Variants in PODXL2 observed in about 807,000 individuals in gnomAD.
PODXL2 encodes the protein podocalyxin-like protein 2.
In PODXL2, 17 loss-of-function variants were observed where a neutral mutation model predicts 53.4. That is an observed-to-expected ratio of 0.32 (90% confidence interval 0.22 to 0.48). The LOEUF (loss-of-function observed/expected upper bound fraction) is 0.48. Ranked by LOEUF, PODXL2 falls within the 20% of genes least tolerant of loss-of-function variation. PODXL2 has a pLI of 0.99. For missense variants in PODXL2, 673 were observed against 760.0 expected, an observed-to-expected ratio of 0.89 and a Z score of 1.35; for synonymous variants, 311 against 306.7, an observed-to-expected ratio of 1.01 and a Z score of -0.15.
chr3:127,639,585 A>C, intron 2 of PODXL2, 62 bp downstream of exon 2: 1 of 1,449,756 alleles, frequency 6.9e-7, no homozygotes, highest in Non-Finnish European at 9.4e-7. Flanking sequence ...GCAAAACACC[A>C]GGTGACCATT....
intron 2 of PODXL2, among the ~76,000 whole-genome samples, chr3:127,642,579 C>T (rs1382816253): frequency 2.6e-5 from 4 of 151,048 alleles, no homozygotes; most frequent in Non-Finnish European, 5.9e-5. Context: ...TGGGAGGAGA[C>T]GAAGAGAATG....
intron 1 of PODXL2, among the ~76,000 whole-genome samples, chr3:127,632,286 A>G (rs2074552214): frequency 1.3e-5 from 2 of 152,324 alleles, no homozygotes; most frequent in African/African-American, 4.8e-5. Context: ...CTGCCATGCC[A>G]CAGCCTCTCC....
rs201417926 is a variant in PODXL2 at position 127,642,291 on chromosome 3, GAA to G, written c.349+2784_349+2785del. ...GGGGACAGAGCGAGACTCCATCTCA[GAA>G]AAAAAAAAAAAAAAAGATGTATCAG... On this transcript the variant is annotated intron_variant, in intron 2 of 7. Coordinates refer to ENST00000342480, the MANE Select transcript of PODXL2 (RefSeq NM_015720.4). 1.6e-3 allele frequency among the ~76,000 whole-genome samples: 121 copies of G among 77,222 alleles called. 1 individual carries two copies. The highest frequency in any genetic ancestry group is 5.0e-3 in the African/African-American group (114 of 22,640). 50.7% of individuals were successfully genotyped at this position (77,222 alleles called of 152,430 possible).
intron 4 of PODXL2, 147 bp downstream of exon 4, chr3:127,662,458 A>G (rs2074773998): frequency 1.7e-6 from 1 of 574,112 alleles, no homozygotes; most frequent in African/African-American, 1.9e-5. Context: ...AGCAGCCATC[A>G]ACATTACACA....
chr3:127,640,350 A>G (rs2074607639), intron 2 of PODXL2, among the ~76,000 whole-genome samples: 1 of 152,208 alleles, frequency 6.6e-6, no homozygotes, highest in African/African-American at 2.4e-5. Context: ...ACCTTTTCTA[A>G]TTATAAAAGA....
At chr3:127,640,727 A>G (rs1321020952) in intron 2 of PODXL2, among the ~76,000 whole-genome samples, 1 of 152,138 alleles carries the variant, frequency 6.6e-6, no homozygotes, top group Non-Finnish European at 1.5e-5. Flanking sequence ...AAAATAAAAA[A>G]TAAAAACTAC....
At chr3:127,650,357 G>A (rs1448092551) in intron 2 of PODXL2, among the ~76,000 whole-genome samples, 1 of 152,134 alleles carries the variant, frequency 6.6e-6, no homozygotes, top group Non-Finnish European at 1.5e-5. Flanking sequence ...ACCATAATGA[G>A]TTTAAAAGAA....
At chr3:127,654,991 G>A (rs1359195535) in intron 2 of PODXL2, among the ~76,000 whole-genome samples, 2 of 152,058 alleles carry the variant, frequency 1.3e-5, no homozygotes, top group Admixed American at 6.5e-5. Context: ...CACCCAGGCT[G>A]GAGTGCAGTG....
At chr3:127,648,997 G>T (rs1029228901) in intron 2 of PODXL2, among the ~76,000 whole-genome samples, 2 of 151,892 alleles carry the variant, frequency 1.3e-5, no homozygotes, top group African/African-American at 4.8e-5. Context: ...TTGTCATGTT[G>T]GCCAGGCTGG....
At chr3:127,658,491 G>A (rs1340071927) in intron 2 of PODXL2, among the ~76,000 whole-genome samples, 1 of 122,514 alleles carries the variant, frequency 8.2e-6, no homozygotes, top group Non-Finnish European at 1.6e-5. Context: ...TTAAATCTTT[G>A]CATGTATGAG....
chr3:127,652,311 G>A (rs1203586361), intron 2 of PODXL2, among the ~76,000 whole-genome samples: 1 of 152,144 alleles, frequency 6.6e-6, no homozygotes, highest in African/African-American at 2.4e-5. Context: ...ACTGTTCTGA[G>A]GGCTCTGGGG....
At chr3:127,648,192 A>T (rs2074667330) in intron 2 of PODXL2, among the ~76,000 whole-genome samples, 1 of 152,238 alleles carries the variant, frequency 6.6e-6, no homozygotes, top group Non-Finnish European at 1.5e-5. Flanking sequence ...CTACTTCAAG[A>T]TCTGCTGCTC....
intron 1 of PODXL2, among the ~76,000 whole-genome samples, chr3:127,638,896 G>C (rs2074595767): frequency 2.0e-5 from 3 of 152,108 alleles, no homozygotes. Flanking sequence ...CTTCACTTCA[G>C]TTTGTAGCTC....
rs1055757152 is a variant in PODXL2, at chr3:127,639,550, T to C, written c.349+27T>C. 13 of 1,578,120 alleles carry C rather than the reference T, an allele frequency of 8.2e-6. No homozygotes were observed. In the Admixed American group the frequency reaches 2.2e-4, roughly 26 times the overall value. On this transcript the variant is annotated intron_variant, in intron 2 of 7. Transcript: ENST00000342480. ...TAGCTCTTCTTACCTACAGAGCATGTGTTGAGTGCCAGCCAAGTGTCTAGG... is the reference window on the plus strand; with the variant it reads ...TAGCTCTTCTTACCTACAGAGCATGCGTTGAGTGCCAGCCAAGTGTCTAGG...
At chr3:127,671,168 C>T (rs1461346245) in intron 6 of PODXL2, among the ~76,000 whole-genome samples, 2 of 152,204 alleles carry the variant, frequency 1.3e-5, no homozygotes, top group Admixed American at 6.5e-5. Flanking sequence ...TGAGCTCAGA[C>T]TCAGCGGCTG....
In PODXL2 at chr3:127,664,372, A is replaced by G. The variant is rs143363042; in HGVS notation, c.1206+2061A>G. ...GGCTGAAAAATATTCCATTGTATGT[A>G]TATACCACATGTTATTTATCCATGC... On this transcript the variant is annotated intron_variant, in intron 4 of 7. Coordinates refer to ENST00000342480, the MANE Select transcript of PODXL2 (RefSeq NM_015720.4). 1.7e-3 allele frequency among the ~76,000 whole-genome samples: 260 copies of G among 151,484 alleles called. 2 individuals are homozygous for G. Among genetic ancestry groups the G allele is most frequent in the Admixed American group, 3.4e-3 (52 of 15,230 alleles).
intron 1 of PODXL2, among the ~76,000 whole-genome samples, chr3:127,631,615 CTGAAATTTTAAG>C (rs1305736575): frequency 6.6e-6 from 1 of 152,154 alleles, no homozygotes; most frequent in Non-Finnish European, 1.5e-5. Flanking sequence ...GAGTGTAATT[CTGAAATTTTAAG>C]TCAGGTGGGG....
At position 127,651,516 on chromosome 3, in the gene PODXL2, G is replaced by T. The variant is rs539742618; in HGVS notation, c.350-8862G>T. Among the ~76,000 whole-genome samples, 4 of 152,322 alleles carry T rather than the reference G, an allele frequency of 2.6e-5. No homozygotes were observed. In the South Asian group the frequency reaches 8.3e-4, roughly 32 times the overall value. ...CATCACAGCTGGGTTTAGGCAAATGGGGGTGTAGGGGTAAGTCAATAACAC... is the reference window on the plus strand; with the variant it reads ...CATCACAGCTGGGTTTAGGCAAATGTGGGTGTAGGGGTAAGTCAATAACAC... On this transcript the variant is annotated intron_variant, in intron 2 of 7. Coordinates refer to ENST00000342480, the MANE Select transcript of PODXL2 (RefSeq NM_015720.4).
intron 1 of PODXL2, among the ~76,000 whole-genome samples, chr3:127,634,254 C>T (rs972258642): frequency 2.0e-5 from 3 of 149,946 alleles, no homozygotes; most frequent in Admixed American, 6.6e-5. Context: ...GGCGACACCC[C>T]GTCTCTACTA....
Sources: allele counts gnomAD v4.1 joint callset (sites outside exome capture counted in the v4.1 genomes callset), GRCh38; gene constraint gnomAD v4.1.1; transcripts MANE v1.5; gene names NCBI Gene and HGNC (gene_info 2026-07-23, HGNC 2026-07-21).